PNPLA6: variants seen among roughly 807,000 people sequenced by gnomAD.
The protein encoded by PNPLA6 is patatin like domain 6, lysophospholipase.
A neutral mutation model predicts 153.7 loss-of-function variants in PNPLA6; 105 were observed. The observed-to-expected ratio is 0.68, with a 90% CI of 0.58 to 0.80. The LOEUF (loss-of-function observed/expected upper bound fraction) is 0.80. Among genes scored for constraint, PNPLA6 ranks in the 30% least tolerant of loss-of-function variants. The probability of loss-of-function intolerance (pLI) is 0.00; values close to 1 mark genes in which losing one functional copy is unlikely to be tolerated. For missense variants in PNPLA6, 1,423 were observed against 1,919.3 expected (o/e 0.74, Z 4.83); for synonymous variants, 825 against 822.2 (o/e 1.00, Z -0.06).
chr19:7,550,692 C>A (rs751035811), intron 16 of PNPLA6, 52 bp downstream of exon 16: 3 of 1,601,382 alleles, frequency 1.9e-6, no homozygotes, highest in Non-Finnish European at 2.6e-6. Flanking sequence ...GCCAGTCCCT[C>A]GACAACTCAC....
At chr19:7,554,828 A>G in intron 21 of PNPLA6, 65 bp from the exon 22 acceptor site, 7 of 1,570,370 alleles carry the variant, frequency 4.5e-6, no homozygotes, top group Non-Finnish European at 6.0e-6. Context: ...GTAGGCGATC[A>G]GGGACCCAGG....
chr19:7,554,003 C>T lies in PNPLA6; in HGVS notation c.2389C>T (p.Leu797=), dbSNP rs1394630665. The T allele has an allele frequency of 1.3e-6, 2 of 1,586,572 alleles. No homozygotes were observed. Among genetic ancestry groups the T allele is most frequent in the East Asian group, 2.3e-5 (1 of 43,142 alleles). ...CTTCACGCTGGAGCTGCAGCACGCC[C>T]TGCAGGCCATCGGTCAGTGGGGTGA... is the stretch of plus-strand genomic sequence containing the variant. ...VAFTLELQHA[L]QAIGPTLLLN... is the part of the protein sequence containing the mutation. The change falls in exon 19 of 32, where the codon CTG becomes TTG. Residue 797 remains leucine, a synonymous_variant. Transcript: ENST00000600737.
chr19:7,541,887 A>T lies in PNPLA6; in HGVS notation c.1169-97A>T. On this transcript the variant is annotated intron_variant, in intron 9 of 31. Coordinates refer to ENST00000600737, the MANE Select transcript of PNPLA6 (RefSeq NM_001166114.2). This position sits in a 1 kb window ranked among gnomAD's most constrained non-coding sequence, Gnocchi z 5.2. ...CCCAAGGGCCCATTGGAATTGCTTTAACTAGTTAATCAGTCGCCAGCATCT... is the reference window on the plus strand; with the variant it reads ...CCCAAGGGCCCATTGGAATTGCTTTTACTAGTTAATCAGTCGCCAGCATCT... 1 of 1,209,446 alleles carries T rather than the reference A, an allele frequency of 8.3e-7. No homozygotes were observed. The highest frequency in any genetic ancestry group is 1.2e-6 in the Non-Finnish European group (1 of 824,908). 74.9% of individuals were successfully genotyped at this position (1,209,446 alleles called of 1,614,324 possible).
intron 18 of PNPLA6, among the ~76,000 whole-genome samples, chr19:7,552,295 G>A (rs2023685389): frequency 6.6e-6 from 1 of 152,134 alleles, no homozygotes; most frequent in Non-Finnish European, 1.5e-5. Flanking sequence ...TGGGGTTGGA[G>A]GCCTGCTGAA....
rs185510353 is a variant in PNPLA6, at chr19:7,541,917, A to T, written c.1169-67A>T. The T allele has an allele frequency of 4.2e-3, 5,816 of 1,395,152 alleles. 17 individuals carry two copies. The highest frequency in any genetic ancestry group is 5.2e-3 in the Non-Finnish European group (5,185 of 990,334). 86.4% of individuals were successfully genotyped at this position (1,395,152 alleles called of 1,614,324 possible). On this transcript the variant is annotated intron_variant, in intron 9 of 31. Transcript: ENST00000600737. This position sits in a 1 kb window ranked among gnomAD's most constrained non-coding sequence, Gnocchi z 5.2. ...GTTAATCAGTCGCCAGCATCTCCTT[A>T]TCTCCCAACCTGCTAATCCTCCTAG...
chr19:7,556,255 G>T (rs1231584542), intron 24 of PNPLA6, among the ~76,000 whole-genome samples, 198 bp from the exon 25 acceptor site: 2 of 151,754 alleles, frequency 1.3e-5, no homozygotes. Flanking sequence ...TAGAGATGGG[G>T]TTTCACCATG....
Position 7,561,465 on chromosome 19 carries a change from G to A in PNPLA6, c.4024-23G>A, listed in dbSNP as rs372961923. On this transcript the variant is annotated intron_variant, in intron 31 of 31. Coordinates refer to ENST00000600737, the MANE Select transcript of PNPLA6 (RefSeq NM_001166114.2). ...GCATCAGTGTCCCGTGCTGGGTGAC[G>A]TGTGTGTGACCTTCCCTCGCAGGAG... 7.5e-5 allele frequency: 120 copies of A among 1,590,074 alleles called. No individual in the cohort carries two copies. The African/African-American group carries it at 1.0e-3, about 13-fold the overall frequency.
rs114833083 is a variant in PNPLA6, at chr19:7,550,674, T to C, written c.2070+34T>C. 1.8e-3 allele frequency: 2,936 copies of C among 1,607,060 alleles called. 42 individuals are homozygous for C. In the African/African-American group the frequency reaches 0.032, roughly 18 times the overall value. ...GACCCCCACCCACTGACCTCTGGCC[T>C]TTTCCAGGCCAGTCCCTCGACAACT... On this transcript the variant is annotated intron_variant, in intron 16 of 31. Transcript: ENST00000600737.
At chr19:7,556,026 G>A (rs944830655) in intron 24 of PNPLA6, among the ~76,000 whole-genome samples, 5 of 146,306 alleles carry the variant, frequency 3.4e-5, no homozygotes, top group Non-Finnish European at 1.5e-5. Flanking sequence ...GGATGGCCTT[G>A]GATGACCACA....
At chr19:7,546,956 G>C (rs1044391497) in intron 13 of PNPLA6, among the ~76,000 whole-genome samples, 1 of 151,562 alleles carries the variant, frequency 6.6e-6, no homozygotes, top group African/African-American at 2.4e-5. Flanking sequence ...CCAGGCTGGA[G>C]TGCAGTGGCG....
intron 14 of PNPLA6, 76 bp downstream of exon 14, chr19:7,550,188 C>T (rs2023581629): frequency 1.2e-6 from 2 of 1,608,514 alleles, no homozygotes; most frequent in African/African-American, 1.3e-5. Context: ...AACCCCATCC[C>T]TCAACCTCAC....
chr19:7,558,333 TA>T (rs1194984010), intron 27 of PNPLA6, among the ~76,000 whole-genome samples: 1 of 152,208 alleles, frequency 6.6e-6, no homozygotes, highest in Non-Finnish European at 1.5e-5. Context: ...TTTGATTGTA[TA>T]AATAAAGCTT....
intron 13 of PNPLA6, among the ~76,000 whole-genome samples, chr19:7,543,488 A>G (rs932475489): frequency 1.5e-4 from 23 of 152,240 alleles, no homozygotes; most frequent in Non-Finnish European, 2.6e-4. Context: ...TGGCCTCGGA[A>G]GGCCATGAAC....
rs1366539804 is a variant in PNPLA6, at chr19:7,541,787, C to G, written c.1168+103C>G. On this transcript the variant is annotated intron_variant, in intron 9 of 31. Coordinates refer to ENST00000600737, the MANE Select transcript of PNPLA6 (RefSeq NM_001166114.2). This position sits in a 1 kb window ranked among gnomAD's most constrained non-coding sequence, Gnocchi z 5.2. ...TGCATAGAGTCAACCTGACCTTGTC[C>G]AGCCCCACAGGGACTCCATAGCGGG... is the stretch of plus-strand genomic sequence containing the variant. 7.5e-7 allele frequency: 1 copy of G among 1,328,686 alleles called. No individual in the cohort carries two copies. Among genetic ancestry groups the G allele is most frequent in the Non-Finnish European group, 1.0e-6 (1 of 958,084 alleles). The allele number at this position is 1,328,686 out of a possible 1,614,324, so 82.3% of individuals were successfully genotyped here. A position where few individuals can be genotyped will look rare whatever the true frequency, so the allele number is the denominator to read the frequency against.
At position 7,560,761 on chromosome 19, in the gene PNPLA6, A is replaced by T. The variant is rs1226739557; in HGVS notation, c.3813A>T (p.Ala1271=). 2 of 1,597,100 alleles carry T rather than the reference A, an allele frequency of 1.3e-6. No individual in the cohort carries two copies. The highest frequency in any genetic ancestry group is 2.7e-5 in the African/African-American group (2 of 74,676). Residue 1271 remains alanine, a synonymous_variant, in exon 29 of 32, where the codon GCA becomes GCT. Coordinates refer to ENST00000600737, the MANE Select transcript of PNPLA6 (RefSeq NM_001166114.2). ...RSTDLNESRR[A]DVLAFPSSGF... is the part of the protein sequence containing the mutation. Reference sequence around the variant, plus strand: ...CAGACCTTAATGAGAGCCGCCGTGCAGACGTAAGCCTGTGATGCCCCCAGG... The same window carrying T: ...CAGACCTTAATGAGAGCCGCCGTGCTGACGTAAGCCTGTGATGCCCCCAGG...
At chr19:7,558,666 C>A (rs1469395168) in intron 27 of PNPLA6, among the ~76,000 whole-genome samples, 184 bp from the exon 28 acceptor site, 4 of 152,196 alleles carry the variant, frequency 2.6e-5, no homozygotes, top group African/African-American at 9.6e-5. Flanking sequence ...CACCTGACCC[C>A]CCTCCTCAAC....
In PNPLA6 at chr19:7,540,821, C is replaced by T. The variant is rs2023099247; in HGVS notation, c.796-102C>T. On this transcript the variant is annotated intron_variant, in intron 6 of 31. Transcript: ENST00000600737. This position sits in a 1 kb window ranked among gnomAD's most constrained non-coding sequence, Gnocchi z 6.8. Reference sequence around the variant, plus strand: ...ATCTCTGGTTCATCCGTTATGCTGCCGATGGCCCCTCACGGGACTGGCGCC... The same window carrying T: ...ATCTCTGGTTCATCCGTTATGCTGCTGATGGCCCCTCACGGGACTGGCGCC... 1 of 1,565,426 alleles carries T rather than the reference C, an allele frequency of 6.4e-7. No individual in the cohort carries two copies. Among genetic ancestry groups the T allele is most frequent in the African/African-American group, 1.3e-5 (1 of 74,076 alleles).
intron 16 of PNPLA6, 72 bp from the exon 17 acceptor site, chr19:7,550,922 C>T: frequency 8.5e-7 from 1 of 1,178,738 alleles, no homozygotes. Context: ...GGCAGTACAG[C>T]CCCCTTTCCA....
At position 7,542,804 on chromosome 19, in the gene PNPLA6, A is replaced by T. The variant is rs1253403240; in HGVS notation, c.1406A>T (p.Glu469Val). 1 of 1,612,950 alleles carries T rather than the reference A, an allele frequency of 6.2e-7. No homozygotes were observed. Residue 469 changes from glutamate (E) to valine (V), a missense_variant, in exon 12 of 32, where the codon GAA (glutamate) becomes GTA (valine). Glu to Val is a moderately radical substitution (Grantham distance 121, BLOSUM62 -2). Coordinates refer to ENST00000600737, the MANE Select transcript of PNPLA6 (RefSeq NM_001166114.2). ...EPREQPAGACEYSYCEDESAT... is the reference protein window; with the variant it reads ...EPREQPAGACVYSYCEDESAT... ...CGTGAGCAGCCGGCAGGCGCCTGTGAATACAGCTACTGTGAGGATGAGTCG... is the reference window on the plus strand; with the variant it reads ...CGTGAGCAGCCGGCAGGCGCCTGTGTATACAGCTACTGTGAGGATGAGTCG...
Sources: gnomAD v4.1 joint callset for allele counts (sites outside exome capture counted in the v4.1 genomes callset) on GRCh38, gnomAD v4.1.1 for gene constraint, Gnocchi (gnomAD v3.1) non-coding constraint, MANE v1.5 for transcripts, NCBI Gene and HGNC (gene_info 2026-07-23, HGNC 2026-07-21) for gene names.